The following NLK variants were observed in gnomAD, a reference collection of about 807,000 sequenced individuals.
The protein encoded by NLK is serine/threonine-protein kinase NLK.
Under a neutral mutation model 59.0 loss-of-function variants are expected in NLK, and 11 were observed. That is an observed-to-expected ratio of 0.19 (90% CI 0.12 to 0.31). NLK has a LOEUF of 0.31. Among genes scored for constraint, NLK ranks in the 10% least tolerant of loss-of-function variants. The pLI, the probability that NLK is intolerant of heterozygous loss-of-function variation, is 1.00. For synonymous variants in NLK, 235 were observed against 235.9 expected, an observed-to-expected ratio of 1.00 and a Z score of 0.03; for missense variants, 410 against 661.1, an observed-to-expected ratio of 0.62 and a Z score of 4.16.
chr17:28,095,156 G>A (rs1456801598), intron 1 of NLK, among the ~76,000 whole-genome samples: 1 of 152,108 alleles, frequency 6.6e-6, no homozygotes, highest in African/African-American at 2.4e-5. Flanking sequence ...TGTCCTCATG[G>A]GGAAAGAGAC....
chr17:28,111,819 T>A (rs1905492306), intron 1 of NLK, among the ~76,000 whole-genome samples: 1 of 150,030 alleles, frequency 6.7e-6, no homozygotes, highest in Non-Finnish European at 1.5e-5. Context: ...GGCTATTGGT[T>A]AAAGGTTGTG....
intron 3 of NLK, among the ~76,000 whole-genome samples, chr17:28,150,425 A>C (rs1907432601): frequency 6.6e-6 from 1 of 152,176 alleles, no homozygotes; most frequent in South Asian, 2.1e-4. Flanking sequence ...AGGAGTCAGG[A>C]AACCTGAGCT....
At chr17:28,146,019 T>C (rs1907232087) in intron 3 of NLK, among the ~76,000 whole-genome samples, 1 of 152,242 alleles carries the variant, frequency 6.6e-6, no homozygotes, top group Non-Finnish European at 1.5e-5. Flanking sequence ...AGGAGCTTTT[T>C]TGAGTGGTTG....
chr17:28,088,100 A>G (rs1188729756), intron 1 of NLK, among the ~76,000 whole-genome samples: 1 of 152,162 alleles, frequency 6.6e-6, no homozygotes, highest in Non-Finnish European at 1.5e-5. Context: ...GGTTGCATCC[A>G]TGTAGTATAT....
chr17:28,192,325 CAG>C, intron 10 of NLK, 112 bp downstream of exon 10: 2 of 644,636 alleles, frequency 3.1e-6, no homozygotes, highest in South Asian at 2.0e-5. Context: ...AAAGGTGCAA[CAG>C]AAAGTTTCTG....
At chr17:28,128,714 T>C (rs1366943964) in intron 2 of NLK, among the ~76,000 whole-genome samples, 1 of 152,204 alleles carries the variant, frequency 6.6e-6, no homozygotes, top group Non-Finnish European at 1.5e-5. Context: ...AGTGAGAGCA[T>C]AAATTTGTAA....
intron 1 of NLK, among the ~76,000 whole-genome samples, chr17:28,108,063 A>G (rs986998213): frequency 6.6e-6 from 1 of 152,080 alleles, no homozygotes; most frequent in Non-Finnish European, 1.5e-5. Flanking sequence ...GTGAAACCCC[A>G]TCTCTACTAA....
chr17:28,055,089 T>C (rs894066465), intron 1 of NLK, among the ~76,000 whole-genome samples: 3 of 151,158 alleles, frequency 2.0e-5, no homozygotes, highest in African/African-American at 7.4e-5. Flanking sequence ...GTGGGGATTT[T>C]TTTTTCTTTT....
chr17:28,121,679 G>T (rs1906067194), intron 1 of NLK, among the ~76,000 whole-genome samples: 1 of 150,532 alleles, frequency 6.6e-6, no homozygotes, highest in South Asian at 2.1e-4. Context: ...TTGTATTTTT[G>T]GTAGAGACGG....
chr17:28,194,681 C>G lies in NLK; in HGVS notation c.*45C>G, dbSNP rs759026568. 7.0e-7 allele frequency: 1 copy of G among 1,423,200 alleles called. No homozygotes were observed. Among genetic ancestry groups the G allele is most frequent in the Admixed American group, 1.8e-5 (1 of 56,440 alleles). 88.2% of individuals were successfully genotyped at this position (1,423,200 alleles called of 1,614,324 possible). A position where few individuals can be genotyped will look rare whatever the true frequency, so the allele number is the denominator to read the frequency against. ...ACTGAAGATGTAATGTAGCTTTCCA[C>G]TGGAGTCTGGGATTTGCAATTCTGG... is the stretch of plus-strand genomic sequence containing the variant. On this transcript the variant is annotated 3_prime_UTR_variant, in exon 11 of 11. Transcript: ENST00000407008.
At chr17:28,062,343 T>A (rs1313259230) in intron 1 of NLK, among the ~76,000 whole-genome samples, 1 of 152,194 alleles carries the variant, frequency 6.6e-6, no homozygotes, top group African/African-American at 2.4e-5. Context: ...TTTTTCTTAA[T>A]GTAAATACCA....
At chr17:28,166,387 A>T (rs1235354484) in intron 5 of NLK, among the ~76,000 whole-genome samples, 1 of 152,186 alleles carries the variant, frequency 6.6e-6, no homozygotes, top group Non-Finnish European at 1.5e-5. Flanking sequence ...CATTTGATGT[A>T]ACCAGACATA....
At chr17:28,148,167 T>C (rs1361167462) in intron 3 of NLK, among the ~76,000 whole-genome samples, 5 of 152,190 alleles carry the variant, frequency 3.3e-5, no homozygotes, top group African/African-American at 1.2e-4. Context: ...CTGTCCTGTA[T>C]TTCCAGCAAT....
chr17:28,098,675 CTT>C (rs781294029), intron 1 of NLK, among the ~76,000 whole-genome samples: 9 of 67,572 alleles, frequency 1.3e-4, no homozygotes, highest in African/African-American at 5.6e-4. Flanking sequence ...CATTACCATT[CTT>C]TTTTTTTTTT....
At chr17:28,080,477 C>T (rs751473981) in intron 1 of NLK, among the ~76,000 whole-genome samples, 2 of 152,148 alleles carry the variant, frequency 1.3e-5, no homozygotes, top group Non-Finnish European at 2.9e-5. Flanking sequence ...AACCCTTACC[C>T]CCAAAGACTA....
intron 4 of NLK, among the ~76,000 whole-genome samples, chr17:28,162,392 G>T (rs1436123073): frequency 6.6e-6 from 1 of 152,008 alleles, no homozygotes; most frequent in African/African-American, 2.4e-5. Context: ...CAGCGCTTTG[G>T]GATGCTGAGG....
At chr17:28,188,294 C>T (rs1056072194) in intron 8 of NLK, among the ~76,000 whole-genome samples, 1 of 152,202 alleles carries the variant, frequency 6.6e-6, no homozygotes, top group Non-Finnish European at 1.5e-5. Context: ...ACAAAGCCGA[C>T]AAGTTTGTTA....
At chr17:28,180,377 T>G (rs1908859207) in intron 7 of NLK, among the ~76,000 whole-genome samples, 2 of 152,318 alleles carry the variant, frequency 1.3e-5, no homozygotes, top group Middle Eastern at 3.4e-3. Context: ...AACTACTTAT[T>G]TGCCTGTCTT....
intron 3 of NLK, among the ~76,000 whole-genome samples, chr17:28,140,947 T>C (rs80125491): frequency 0.041 from 6,225 of 152,286 alleles, 390 homozygotes; most frequent in African/African-American, 0.14. Flanking sequence ...TAGTAACACT[T>C]TCATTTTTCC....
Sources: allele counts gnomAD v4.1 joint callset (sites outside exome capture counted in the v4.1 genomes callset), GRCh38; gene constraint gnomAD v4.1.1; transcripts MANE v1.5; gene names NCBI Gene and HGNC (gene_info 2026-07-23, HGNC 2026-07-21).